PTPRT: variants seen among roughly 807,000 people sequenced by gnomAD.
PTPRT encodes receptor-type tyrosine-protein phosphatase T.
A neutral mutation model predicts 176.8 loss-of-function variants in PTPRT; 56 were observed. The ratio of observed to expected loss-of-function variants is 0.32; its 90% CI spans 0.26 to 0.40. The LOEUF (loss-of-function observed/expected upper bound fraction) is 0.40, where lower values mean the gene tolerates loss of function less well. Among genes scored for constraint, PTPRT ranks in the 10% least tolerant of loss-of-function variants. The probability of loss-of-function intolerance (pLI) is 1.00; values close to 1 mark genes in which losing one functional copy is unlikely to be tolerated. For synonymous variants in PTPRT, 783 were observed against 739.0 expected (o/e 1.06, Z -0.96); for missense variants, 1,540 against 1,908.2 (o/e 0.81, Z 3.60).
At chr20:42,690,253 G>A (rs549482397) in intron 6 of PTPRT, among the ~76,000 whole-genome samples, 4 of 152,268 alleles carry the variant, frequency 2.6e-5, no homozygotes, top group South Asian at 4.1e-4. Context: ...GGCTGTGTAA[G>A]CAGTGGTGTC....
intron 1 of PTPRT, among the ~76,000 whole-genome samples, chr20:43,107,703 CAAG>C (rs2012676922): frequency 6.6e-6 from 1 of 152,112 alleles, no homozygotes; most frequent in Non-Finnish European, 1.5e-5. Flanking sequence ...AATCTAAACA[CAAG>C]AAGAGGAAAA....
chr20:42,649,200 T>C (rs1317415912), intron 7 of PTPRT, among the ~76,000 whole-genome samples: 2 of 151,964 alleles, frequency 1.3e-5, no homozygotes, highest in South Asian at 2.1e-4. Context: ...GAGGAGCAAG[T>C]TACATCTTAC....
intron 11 of PTPRT, among the ~76,000 whole-genome samples, chr20:42,345,524 C>T (rs932225830): frequency 2.1e-5 from 3 of 146,270 alleles, no homozygotes; most frequent in African/African-American, 7.6e-5. Context: ...TATAGATATA[C>T]ATATATATAT....
intron 1 of PTPRT, among the ~76,000 whole-genome samples, chr20:43,181,940 C>A (rs1035136227): frequency 6.6e-6 from 1 of 152,148 alleles, no homozygotes; most frequent in Non-Finnish European, 1.5e-5. Context: ...AATAGCCAAA[C>A]TGATCACTTA....
At chr20:42,236,326 C>A in intron 14 of PTPRT, 68 bp from the exon 15 acceptor site, 1 of 1,279,008 alleles carries the variant, frequency 7.8e-7, no homozygotes, top group African/African-American at 1.5e-5. Context: ...GACAAACAAA[C>A]AAGAATTAGA....
chr20:43,137,527 G>A (rs2013870675), intron 1 of PTPRT, among the ~76,000 whole-genome samples: 1 of 152,190 alleles, frequency 6.6e-6, no homozygotes, highest in Non-Finnish European at 1.5e-5. Flanking sequence ...AAAAGAACAG[G>A]AAGATGGATG....
chr20:42,417,958 G>A (rs1259820871), intron 9 of PTPRT, among the ~76,000 whole-genome samples: 13 of 152,020 alleles, frequency 8.6e-5, no homozygotes, highest in Middle Eastern at 3.4e-3. Flanking sequence ...CAGGCTGCTC[G>A]ACATTTTTTG....
At chr20:42,122,968 T>C (rs956209193) in intron 19 of PTPRT, among the ~76,000 whole-genome samples, 22 of 152,328 alleles carry the variant, frequency 1.4e-4, no homozygotes, top group African/African-American at 4.6e-4. Context: ...GACTCATTCC[T>C]CCTGAGTGGC....
intron 7 of PTPRT, among the ~76,000 whole-genome samples, chr20:42,538,894 A>G (rs911465669): frequency 1.3e-5 from 2 of 152,140 alleles, no homozygotes; most frequent in African/African-American, 4.8e-5. Context: ...ATCCTCCTGA[A>G]TCTTTGTTGC....
intron 12 of PTPRT, among the ~76,000 whole-genome samples, chr20:42,311,364 T>C (rs1310980070): frequency 1.3e-5 from 2 of 152,192 alleles, no homozygotes; most frequent in African/African-American, 4.8e-5. Flanking sequence ...GTTGAATTCA[T>C]AGCCACTCTG....
chr20:42,657,939 T>TA (rs2075155388), intron 7 of PTPRT, among the ~76,000 whole-genome samples: 1 of 145,900 alleles, frequency 6.9e-6, no homozygotes, highest in Non-Finnish European at 1.5e-5. Flanking sequence ...TTTTTTTTTT[T>TA]ACCTTTTCTT....
chr20:43,010,121 T>C (rs945446518), intron 1 of PTPRT, among the ~76,000 whole-genome samples: 2 of 152,162 alleles, frequency 1.3e-5, no homozygotes, highest in East Asian at 3.9e-4. Context: ...ACCTCCTCCC[T>C]TTCCTTGCAG....
rs1982635771 is a variant in PTPRT at position 42,075,022 on chromosome 20, C to G, written c.*5857G>C. Reference sequence around the variant, plus strand: ...TCCCCCCACACTCCACCACTAACCTCTCTCCCTGCTGTTCAGTCTATGACC... The same window carrying G: ...TCCCCCCACACTCCACCACTAACCTGTCTCCCTGCTGTTCAGTCTATGACC... On this transcript the variant is annotated 3_prime_UTR_variant, in exon 31 of 31. Transcript: ENST00000373187. 5.2e-6 allele frequency: 2 copies of G among 385,286 alleles called. No individual in the cohort carries two copies. Among genetic ancestry groups the G allele is most frequent in the South Asian group, 1.5e-4 (1 of 6,662 alleles). 23.9% of individuals were successfully genotyped at this position (385,286 alleles called of 1,614,324 possible).
At chr20:42,730,863 G>T (rs1053305808) in intron 6 of PTPRT, among the ~76,000 whole-genome samples, 3 of 152,138 alleles carry the variant, frequency 2.0e-5, no homozygotes, top group Non-Finnish European at 4.4e-5. Context: ...CTCCCACAGG[G>T]TTGACTGATC....
intron 1 of PTPRT, among the ~76,000 whole-genome samples, chr20:42,913,357 T>C (rs1978523290): frequency 6.6e-6 from 1 of 152,104 alleles, no homozygotes; most frequent in African/African-American, 2.4e-5. Flanking sequence ...TTTGGGTGGT[T>C]TGCTGGCAAT....
At chr20:42,834,906 C>T (rs6072882) in intron 2 of PTPRT, among the ~76,000 whole-genome samples, 1 of 152,176 alleles carries the variant, frequency 6.6e-6, no homozygotes, top group Non-Finnish European at 1.5e-5. Context: ...TCCAGCCAAA[C>T]TGTCAATCAA....
chr20:42,732,468 C>G (rs2076475593), intron 6 of PTPRT, among the ~76,000 whole-genome samples: 1 of 152,152 alleles, frequency 6.6e-6, no homozygotes, highest in Non-Finnish European at 1.5e-5. Flanking sequence ...ATATGTTTGG[C>G]AGAGCCAAGA....
intron 6 of PTPRT, among the ~76,000 whole-genome samples, chr20:42,715,858 T>C (rs1944381803): frequency 6.6e-6 from 1 of 152,216 alleles, no homozygotes; most frequent in Admixed American, 6.5e-5. Flanking sequence ...AACATATTGG[T>C]GCTAAAGCTT....
chr20:42,116,722 A>C (rs189548160), intron 21 of PTPRT, among the ~76,000 whole-genome samples: 40 of 152,252 alleles, frequency 2.6e-4, no homozygotes, highest in Admixed American at 2.0e-3. Flanking sequence ...AGGGCACTTG[A>C]ATAATAACTA....
Sources: allele counts gnomAD v4.1 joint callset (sites outside exome capture counted in the v4.1 genomes callset), GRCh38; gene constraint gnomAD v4.1.1; transcripts MANE v1.5; gene names NCBI Gene and HGNC (gene_info 2026-07-23, HGNC 2026-07-21).